HK2: variants seen among roughly 807,000 people sequenced by gnomAD.
The protein encoded by HK2 is hexokinase-2.
A neutral mutation model predicts 92.9 loss-of-function variants in HK2; 42 were observed. That is an observed-to-expected ratio of 0.45 (90% CI 0.35 to 0.58). The LOEUF is 0.58. Ranked by LOEUF, HK2 falls within the 20% of genes least tolerant of loss-of-function variation. HK2 has a pLI of 0.00. For synonymous variants in HK2, 422 were observed against 468.0 expected (o/e 0.90, Z 1.27); for missense variants, 978 against 1,245.1 (o/e 0.79, Z 3.23).
In HK2 at chr2:74,891,163, A is replaced by T; in HGVS notation, c.*222A>T. The T allele has an allele frequency of 1.7e-6, 1 of 571,786 alleles. No homozygotes were observed. Among genetic ancestry groups the T allele is most frequent in the Non-Finnish European group, 3.1e-6 (1 of 321,084 alleles). The allele number at this position is 571,786 out of a possible 1,614,324, so 35.4% of individuals were successfully genotyped here. On this transcript the variant is annotated 3_prime_UTR_variant, in exon 18 of 18. Transcript: ENST00000290573. ...TCCAAATAAGGATTTGTTCACATGC[A>T]TCATAACCATTCCCATTGGTTCTCC...
At chr2:74,872,852 T>G (rs1689129764) in intron 4 of HK2, among the ~76,000 whole-genome samples, 2 of 152,218 alleles carry the variant, frequency 1.3e-5, no homozygotes, top group Non-Finnish European at 2.9e-5. Context: ...TAGAGTGCAC[T>G]TACACAAACC....
chr2:74,867,579 G>A, intron 2 of HK2, 57 bp from the exon 3 acceptor site: 1 of 1,605,520 alleles, frequency 6.2e-7, no homozygotes, highest in Admixed American at 1.7e-5. Context: ...TTAAGTCTCG[G>A]TTGGTTCCTG....
At chr2:74,875,100 A>G (rs1689193087) in intron 7 of HK2, among the ~76,000 whole-genome samples, 1 of 152,124 alleles carries the variant, frequency 6.6e-6, no homozygotes, top group African/African-American at 2.4e-5. Flanking sequence ...CTCTTACAAA[A>G]CCTTATTTCA....
Position 74,891,603 on chromosome 2 carries a change from C to A in HK2, c.*662C>A, listed in dbSNP as rs1305726071. 2 of 152,520 alleles carry A rather than the reference C, an allele frequency of 1.3e-5. No individual in the cohort carries two copies. The highest frequency in any genetic ancestry group is 2.9e-5 in the Non-Finnish European group (2 of 68,286). 9.4% of individuals were successfully genotyped at this position (152,520 alleles called of 1,614,324 possible). Reference sequence around the variant, plus strand: ...GAGTTGACGCATCCTGCAGTTGGGCCAGCTGTCGCATCTCAGCGGGGCGCA... The same window carrying A: ...GAGTTGACGCATCCTGCAGTTGGGCAAGCTGTCGCATCTCAGCGGGGCGCA... On this transcript the variant is annotated 3_prime_UTR_variant, in exon 18 of 18. Coordinates refer to ENST00000290573, the MANE Select transcript of HK2 (RefSeq NM_000189.5).
chr2:74,874,429 A>G lies in HK2; in HGVS notation c.855A>G (p.Ser285=), dbSNP rs1689176496. Residue 285 remains serine, a synonymous_variant, in exon 7 of 18, where the codon TCA becomes TCG. Transcript: ENST00000290573. ...TEFDQEIDMG[S]LNPGKQLFEK... Reference sequence around the variant, plus strand: ...TTGACCAGGAGATTGACATGGGCTCACTGAACCCGGGAAAGCAACTGTGAG... The same window carrying G: ...TTGACCAGGAGATTGACATGGGCTCGCTGAACCCGGGAAAGCAACTGTGAG... 6.2e-7 allele frequency: 1 copy of G among 1,602,278 alleles called. No individual in the cohort carries two copies. Among genetic ancestry groups the G allele is most frequent in the African/African-American group, 1.3e-5 (1 of 74,708 alleles).
At chr2:74,842,788 C>T (rs996652333) in intron 1 of HK2, among the ~76,000 whole-genome samples, 19 of 152,224 alleles carry the variant, frequency 1.2e-4, no homozygotes, top group Admixed American at 5.2e-4. Context: ...AGAGGTGGCT[C>T]CCCCATTCGA....
intron 1 of HK2, among the ~76,000 whole-genome samples, chr2:74,846,911 A>G (rs1456535790): frequency 6.6e-6 from 1 of 152,236 alleles, no homozygotes; most frequent in Non-Finnish European, 1.5e-5. Context: ...AGTTTCTGTC[A>G]AAGGGGCCAA....
chr2:74,858,586 C>G (rs1688744053), intron 2 of HK2, among the ~76,000 whole-genome samples: 2 of 152,194 alleles, frequency 1.3e-5, no homozygotes, highest in Admixed American at 1.3e-4. Context: ...AAAAGGCACT[C>G]TCATTGCCAA....
intron 12 of HK2, among the ~76,000 whole-genome samples, chr2:74,883,085 TGAC>T (rs538992065): frequency 2.6e-3 from 401 of 152,278 alleles, no homozygotes; most frequent in Non-Finnish European, 4.3e-3. Flanking sequence ...GATCTGCTGA[TGAC>T]TGGTAGCCCT....
rs961798044 is a variant in HK2, at chr2:74,893,071, G to A, written c.*2130G>A. 2.7e-5 allele frequency: 4 copies of A among 149,842 alleles called. No individual in the cohort carries two copies. The highest frequency in any genetic ancestry group is 9.9e-5 in the African/African-American group (4 of 40,432). 9.3% of individuals were successfully genotyped at this position (149,842 alleles called of 1,614,324 possible). The stretch of plus-strand genomic sequence containing the variant: ...TTTAAAGGTAGAGATGTGTGTGTGT[G>A]TAGGTATTAAAGATGTGTTGTTGGT... On this transcript the variant is annotated 3_prime_UTR_variant, in exon 18 of 18. Coordinates refer to ENST00000290573, the MANE Select transcript of HK2 (RefSeq NM_000189.5).
At chr2:74,858,861 G>A (rs1688750696) in intron 2 of HK2, among the ~76,000 whole-genome samples, 1 of 151,850 alleles carries the variant, frequency 6.6e-6, no homozygotes, top group South Asian at 2.1e-4. Flanking sequence ...TGAGAAGGCA[G>A]GGAATGTCAG....
Position 74,877,322 on chromosome 2 carries a change from G to T in HK2, c.1031+1G>T. 1 of 1,614,176 alleles carries T rather than the reference G, an allele frequency of 6.2e-7. No homozygotes were observed. ...CCAAAGACATCTCAGACATTGAAGG[G>T]TGAGCTTCTGGCCAGCCCCCTCTAT... On this transcript the variant is annotated splice_donor_variant, in intron 8 of 17. Transcript: ENST00000290573. LOFTEE classifies it high-confidence loss of function.
At chr2:74,843,795 A>G (rs1479059550) in intron 1 of HK2, among the ~76,000 whole-genome samples, 1 of 152,140 alleles carries the variant, frequency 6.6e-6, no homozygotes, top group Non-Finnish European at 1.5e-5. Context: ...GGCATTCGAA[A>G]CTGCCACTTT....
At chr2:74,837,594 C>G (rs951857311) in intron 1 of HK2, among the ~76,000 whole-genome samples, 2 of 152,130 alleles carry the variant, frequency 1.3e-5, no homozygotes, top group African/African-American at 2.4e-5. Context: ...GCTTCTACCC[C>G]CCAGCTTAGC....
chr2:74,849,605 C>G (rs1014590953), intron 1 of HK2, among the ~76,000 whole-genome samples: 1 of 152,204 alleles, frequency 6.6e-6, no homozygotes, highest in Non-Finnish European at 1.5e-5. Flanking sequence ...TTTGGGGAAA[C>G]AGCCTCTGCT....
intron 2 of HK2, among the ~76,000 whole-genome samples, chr2:74,864,322 C>T (rs1338374609): frequency 6.6e-6 from 1 of 152,216 alleles, no homozygotes; most frequent in Non-Finnish European, 1.5e-5. Context: ...CTGGACATGC[C>T]ATTTTTTGGC....
At chr2:74,839,179 C>G (rs1357811661) in intron 1 of HK2, among the ~76,000 whole-genome samples, 2 of 152,028 alleles carry the variant, frequency 1.3e-5, no homozygotes, top group Non-Finnish European at 2.9e-5. Context: ...GTGCAAGGCC[C>G]TCTGAGTGTG....
chr2:74,879,701 G>T (rs1451527126), intron 9 of HK2, among the ~76,000 whole-genome samples: 7 of 152,234 alleles, frequency 4.6e-5, no homozygotes, highest in Middle Eastern at 3.2e-3. Context: ...ATGGCTCCAA[G>T]TGGCCACTAC....
At chr2:74,878,557 A>C in intron 8 of HK2, 131 bp from the exon 9 acceptor site, 1 of 767,688 alleles carries the variant, frequency 1.3e-6, no homozygotes, top group South Asian at 1.5e-5. Context: ...GGACTAAGCA[A>C]TGAAGAGGGA....
Sources: allele counts gnomAD v4.1 joint callset (sites outside exome capture counted in the v4.1 genomes callset), GRCh38; gene constraint gnomAD v4.1.1; transcripts MANE v1.5; gene names NCBI Gene and HGNC (gene_info 2026-07-23, HGNC 2026-07-21).